The following VAMP7 variants were observed in gnomAD, a reference collection of about 807,000 sequenced individuals.
VAMP7 encodes the protein vesicle-associated membrane protein 7.
A neutral mutation model predicts 29.6 loss-of-function variants in VAMP7; 14 were observed. The observed-to-expected ratio is 0.47, with a 90% CI of 0.31 to 0.74. The LOEUF (loss-of-function observed/expected upper bound fraction) is 0.74. Ranked by LOEUF, VAMP7 falls within the 30% of genes least tolerant of loss-of-function variation. The pLI, the probability that VAMP7 is intolerant of heterozygous loss-of-function variation, is 0.05. For synonymous variants in VAMP7, 95 were observed against 88.1 expected (o/e 1.08, Z -0.44); for missense variants, 223 against 262.4 (o/e 0.85, Z 1.04).
chrX:155,939,382 C>T (rs1364404144), intron 6 of VAMP7, among the ~76,000 whole-genome samples: 1 of 152,092 alleles, frequency 6.6e-6, no homozygotes, highest in Non-Finnish European at 1.5e-5. Flanking sequence ...TTTAAAAGAG[C>T]CTTTCTTATT....
At position 155,939,781 on chromosome X, in the gene VAMP7, C is replaced by T; in HGVS notation, c.582C>T (p.Ile194=). The T allele has an allele frequency of 6.2e-7, 1 of 1,613,184 alleles. No individual in the cohort carries two copies. Among genetic ancestry groups the T allele is most frequent in the South Asian group, 1.1e-5 (1 of 91,014 alleles). Residue 194 remains isoleucine, a synonymous_variant, in exon 7 of 8, where the codon ATC becomes ATT. Transcript: ENST00000286448. ...ACCTCAAGCTCACTATTATCATCATCATCGTATCAATTGTAAGTTTTTGTC... is the reference window on the plus strand; with the variant it reads ...ACCTCAAGCTCACTATTATCATCATTATCGTATCAATTGTAAGTTTTTGTC... ...MKNLKLTIII[I]IVSIVFIYII...
At chrX:155,908,512 A>G (rs1243124912) in intron 5 of VAMP7, among the ~76,000 whole-genome samples, 6 of 152,088 alleles carry the variant, frequency 3.9e-5, no homozygotes, top group Non-Finnish European at 5.9e-5. Context: ...TCGGCTGGGC[A>G]TCAGAGGGAG....
At chrX:155,903,593 A>G (rs1293165717) in intron 5 of VAMP7, among the ~76,000 whole-genome samples, 1 of 152,110 alleles carries the variant, frequency 6.6e-6, no homozygotes, top group African/African-American at 2.4e-5. Context: ...CAGCCAAAAA[A>G]CACATGAAAA....
At chrX:155,898,501 C>G (rs948200420) in intron 4 of VAMP7, among the ~76,000 whole-genome samples, 1 of 151,994 alleles carries the variant, frequency 6.6e-6, no homozygotes, top group Non-Finnish European at 1.5e-5. Context: ...TAAAGATCAT[C>G]TAGTTGAACT....
chrX:155,888,835 G>C (rs947196406), intron 1 of VAMP7, among the ~76,000 whole-genome samples: 1 of 152,156 alleles, frequency 6.6e-6, no homozygotes, highest in South Asian at 2.1e-4. Context: ...ACACTTACTA[G>C]CTCTGTAATT....
In VAMP7 at chrX:155,897,736, T is replaced by C. The variant is rs188298266; in HGVS notation, c.205-376T>C. Among the ~76,000 whole-genome samples, 1,151 of 152,284 alleles carry C rather than the reference T, an allele frequency of 7.6e-3. 17 individuals are homozygous for C. Among genetic ancestry groups the C allele is most frequent in the African/African-American group, 0.026 (1,095 of 41,566 alleles). On this transcript the variant is annotated intron_variant, in intron 3 of 7. Transcript: ENST00000286448. ...GTATCTGTATGTGTGAAAGACTCTA[T>C]GATTATTATGGGATTTATTAAACAT...
At chrX:155,938,564 G>A (rs1230572388) in intron 6 of VAMP7, among the ~76,000 whole-genome samples, 5 of 152,176 alleles carry the variant, frequency 3.3e-5, no homozygotes, top group South Asian at 4.1e-4. Flanking sequence ...ACTAGAGCAC[G>A]AACAGTACCC....
rs752494672 is a variant in VAMP7 at position 155,901,768 on chromosome X, A to G, written c.433+1181A>G. The stretch of plus-strand genomic sequence containing the variant: ...GTACCAGTACCATGCTGTTTTGGTT[A>G]CTATAGCCTTGTAGTATAGTTTGAA... On this transcript the variant is annotated intron_variant, in intron 5 of 7. Transcript: ENST00000286448. 1.8e-3 allele frequency among the ~76,000 whole-genome samples: 281 copies of G among 152,278 alleles called. 1 individual carries two copies. Among genetic ancestry groups the G allele is most frequent in the African/African-American group, 6.6e-3 (275 of 41,554 alleles).
At chrX:155,889,803 C>T (rs2065905656) in intron 2 of VAMP7, among the ~76,000 whole-genome samples, 191 bp downstream of exon 2, 1 of 151,794 alleles carries the variant, frequency 6.6e-6, no homozygotes, top group African/African-American at 2.4e-5. Context: ...TTATTTTATT[C>T]TATTATTGAA....
At chrX:155,929,237 G>A (rs982544422) in intron 6 of VAMP7, among the ~76,000 whole-genome samples, 2 of 152,134 alleles carry the variant, frequency 1.3e-5, no homozygotes, top group African/African-American at 4.8e-5. Context: ...GATTCAAGTT[G>A]CTCTGAATAT....
intron 1 of VAMP7, among the ~76,000 whole-genome samples, chrX:155,887,723 G>C (rs1341003108): frequency 6.6e-6 from 1 of 151,930 alleles, no homozygotes; most frequent in Non-Finnish European, 1.5e-5. Context: ...GAGCCCGGGA[G>C]TTCAAGACCA....
chrX:155,916,779 G>A (rs1422419847), intron 5 of VAMP7, among the ~76,000 whole-genome samples: 1 of 152,086 alleles, frequency 6.6e-6, no homozygotes, highest in East Asian at 1.9e-4. Context: ...CTCTCTGGCT[G>A]CCCTTAACAT....
intron 5 of VAMP7, among the ~76,000 whole-genome samples, chrX:155,916,551 G>A (rs149556497): frequency 6.6e-6 from 1 of 152,230 alleles, no homozygotes; most frequent in Non-Finnish European, 1.5e-5. Context: ...GGCAGGCCTG[G>A]TGGTGACAAA....
chrX:155,923,870 AC>A (rs2066430920), intron 6 of VAMP7, among the ~76,000 whole-genome samples: 1 of 152,034 alleles, frequency 6.6e-6, no homozygotes, highest in Non-Finnish European at 1.5e-5. Flanking sequence ...AAGTTTACTT[AC>A]CTTTTCTTCT....
chrX:155,923,966 C>T (rs1181205611), intron 6 of VAMP7, among the ~76,000 whole-genome samples: 1 of 152,034 alleles, frequency 6.6e-6, no homozygotes, highest in East Asian at 1.9e-4. Context: ...TTCCATGTGT[C>T]TCCTTAACAT....
intron 4 of VAMP7, among the ~76,000 whole-genome samples, chrX:155,900,095 C>A (rs1048747700): frequency 6.6e-6 from 1 of 151,994 alleles, no homozygotes; most frequent in African/African-American, 2.4e-5. Context: ...CCTCATCATA[C>A]TCAAGAAGTG....
At chrX:155,893,059 T>C (rs1281305043) in intron 2 of VAMP7, among the ~76,000 whole-genome samples, 1 of 152,130 alleles carries the variant, frequency 6.6e-6, no homozygotes, top group Non-Finnish European at 1.5e-5. Context: ...GGCCTCAGAC[T>C]GTATTATAAT....
intron 2 of VAMP7, among the ~76,000 whole-genome samples, chrX:155,890,187 T>A (rs2065910976): frequency 6.6e-6 from 1 of 151,878 alleles, no homozygotes; most frequent in Admixed American, 6.6e-5. Flanking sequence ...TGCAGACTGT[T>A]CTCTGTGACT....
At chrX:155,917,168 T>C (rs1206257882) in intron 5 of VAMP7, among the ~76,000 whole-genome samples, 1 of 152,238 alleles carries the variant, frequency 6.6e-6, no homozygotes, top group Non-Finnish European at 1.5e-5. Context: ...TACTTTTGTA[T>C]GCTTCACAAA....
Sources: gnomAD v4.1 joint callset for allele counts (sites outside exome capture counted in the v4.1 genomes callset) on GRCh38, gnomAD v4.1.1 for gene constraint, MANE v1.5 for transcripts, NCBI Gene and HGNC (gene_info 2026-07-23, HGNC 2026-07-21) for gene names.